The following USP36 variants were observed in gnomAD, a reference collection of about 807,000 sequenced individuals.
The protein encoded by USP36 is ubiquitin carboxyl-terminal hydrolase 36.
USP36 carries 59 observed loss-of-function variants against 111.5 expected under a neutral mutation model. The observed-to-expected ratio is 0.53, with a 90% CI of 0.43 to 0.66. USP36 has a LOEUF of 0.66. USP36 is among the 30% of genes least tolerant of loss of function. The pLI is 0.00. For missense variants in USP36, 1,488 were observed against 1,468.0 expected (o/e 1.01, Z -0.22); for synonymous variants, 628 against 581.0 (o/e 1.08, Z -1.16).
rs186001931 is a variant in USP36 at position 78,807,158 on chromosome 17, G to T, written c.1886C>A (p.Thr629Asn). The change falls in exon 14 of 21, where the codon ACC (threonine) becomes AAC (asparagine). Residue 629 changes from threonine (T) to asparagine (N), a missense_variant. Thr to Asn is a moderately conservative substitution (Grantham distance 65). This residue lies in a region of USP36 where 1,073 missense variants were observed against 994.1 expected (regional missense o/e 1.08). Coordinates refer to ENST00000449938, the MANE Select transcript of USP36 (RefSeq NM_001385174.1). Reference sequence around the variant, plus strand: ...GAGATGGGCCGCTCCACTCCTGGGGGTCTGGGGGGCCTTGGTGGAGTCGCT... The same window carrying T: ...GAGATGGGCCGCTCCACTCCTGGGGTTCTGGGGGGCCTTGGTGGAGTCGCT... ...ASSDSTKAPQ[T>N]PRSGAAHLCD... The T allele has an allele frequency of 5.0e-6, 8 of 1,614,228 alleles. No homozygotes were observed. Among genetic ancestry groups the T allele is most frequent in the African/African-American group, 1.3e-5 (1 of 75,070 alleles).
At position 78,799,664 on chromosome 17, in the gene USP36, T is replaced by C. The variant is rs201435693; in HGVS notation, c.3124+3A>G. ...AACAGAAGTCCTGTCTCCAAATCAG[T>C]ACCTTTTCTCCCGTAAGCTTTATCA... On this transcript the variant is annotated splice_donor_region_variant and intron_variant, in intron 18 of 20. Coordinates refer to ENST00000449938, the MANE Select transcript of USP36 (RefSeq NM_001385174.1). The C allele has an allele frequency of 1.7e-5, 27 of 1,611,534 alleles. No individual in the cohort carries two copies. In the South Asian group the frequency reaches 2.5e-4, roughly 15 times the overall value.
chr17:78,803,497 G>T lies in USP36; in HGVS notation c.2698C>A (p.Gln900Lys). Reference sequence around the variant, plus strand: ...TGGCCGTCCGTAACACATCCCACCTGCTGGCCATTCACCTGTGGCTGTGTG... The same window carrying T: ...TGGCCGTCCGTAACACATCCCACCTTCTGGCCATTCACCTGTGGCTGTGTG... ...DGTQPQVNGQ[Q>K]VGCVTDGHHA... The change falls in exon 16 of 21, where the codon CAG becomes AAG. Residue 900 changes from glutamine (Q) to lysine (K), a missense_variant. Physicochemically the swap from Gln to Lys is moderately conservative, Grantham distance 53 (BLOSUM62 1). This residue lies in a region of USP36 where 1,073 missense variants were observed against 994.1 expected (regional missense o/e 1.08). Coordinates refer to ENST00000449938, the MANE Select transcript of USP36 (RefSeq NM_001385174.1). The surrounding 1 kb of genome is among the most constrained non-coding windows in gnomAD (Gnocchi z 4.6). 6.2e-7 allele frequency: 1 copy of T among 1,613,946 alleles called. No individual in the cohort carries two copies.
At chr17:78,806,789 T>C (rs890722553) in intron 14 of USP36, among the ~76,000 whole-genome samples, 170 bp downstream of exon 14, 13 of 152,224 alleles carry the variant, frequency 8.5e-5, no homozygotes, top group African/African-American at 3.1e-4. Context: ...CACCCCAAGA[T>C]AGCCGTTCTT....
At position 78,802,587 on chromosome 17, in the gene USP36, C is replaced by A. The variant is rs748767284; in HGVS notation, c.2811-52G>T. ...AGCTCTGAGCAAATTGGAAGGGGAG[C>A]AGGAGCGCACAGACACCCGCCTGCA... On this transcript the variant is annotated intron_variant, in intron 16 of 20. Coordinates refer to ENST00000449938, the MANE Select transcript of USP36 (RefSeq NM_001385174.1). 6 of 1,518,242 alleles carry A rather than the reference C, an allele frequency of 4.0e-6. No homozygotes were observed. The South Asian group carries it at 4.8e-5, about 12-fold the overall frequency. 94.0% of individuals were successfully genotyped at this position (1,518,242 alleles called of 1,614,324 possible). A position where few individuals can be genotyped will look rare whatever the true frequency, so the allele number is the denominator to read the frequency against.
chr17:78,800,663 G>A (rs1396875619), intron 17 of USP36, among the ~76,000 whole-genome samples: 2 of 152,192 alleles, frequency 1.3e-5, no homozygotes, highest in Admixed American at 6.5e-5. Context: ...TGCTCCCAAC[G>A]TGCTGCGCCT....
rs2068935123 is a variant in USP36, at chr17:78,838,571, A to C, written c.-10+16T>G. 1 of 152,166 alleles carries C rather than the reference A, an allele frequency of 6.6e-6. No individual in the cohort carries two copies. The highest frequency in any genetic ancestry group is 2.4e-5 in the African/African-American group (1 of 41,426). The allele number at this position is 152,166 out of a possible 1,614,324, so 9.4% of individuals were successfully genotyped here. A position where few individuals can be genotyped will look rare whatever the true frequency, so the allele number is the denominator to read the frequency against. ...TCAACGGAATCAAAAAATACACAGA[A>C]GCCTCGCAGACTCACCTGGGATGTG... On this transcript the variant is annotated intron_variant, in intron 2 of 20. Coordinates refer to ENST00000449938, the MANE Select transcript of USP36 (RefSeq NM_001385174.1).
rs148348436 is a variant in USP36 at position 78,832,938 on chromosome 17, C to T, written c.475+2342G>A. ...CAGAGGCAGGCAGATCACCTGAGGT[C>T]GAGAGTTCAAGACCAGCCTGGTCAA... On this transcript the variant is annotated intron_variant, in intron 4 of 20. Transcript: ENST00000449938. 4.4e-3 allele frequency among the ~76,000 whole-genome samples: 675 copies of T among 152,218 alleles called. 5 individuals carry two copies. The highest frequency in any genetic ancestry group is 0.015 in the African/African-American group (628 of 41,546).
chr17:78,815,280 C>A (rs1424094946), intron 10 of USP36, among the ~76,000 whole-genome samples: 3 of 152,036 alleles, frequency 2.0e-5, no homozygotes, highest in African/African-American at 7.2e-5. Flanking sequence ...TACAGTGAGC[C>A]GAGATCATAC....
Position 78,807,638 on chromosome 17 carries a change from TA to T in USP36, c.1408-3del. The T allele has an allele frequency of 6.6e-7, 1 of 1,518,672 alleles. No individual in the cohort carries two copies. The highest frequency in any genetic ancestry group is 8.8e-7 in the Non-Finnish European group (1 of 1,133,994). The allele number at this position is 1,518,672 out of a possible 1,614,324, so 94.1% of individuals were successfully genotyped here. A position where few individuals can be genotyped will look rare whatever the true frequency, so the allele number is the denominator to read the frequency against. ...CTTCATCGTCCCAGAGTCTTGTCGC[TA>T]AGGAGACCAAAGCAGAAAACACAAC... On this transcript the variant is annotated splice_polypyrimidine_tract_variant and splice_region_variant and intron_variant, in intron 13 of 20. Transcript: ENST00000449938.
chr17:78,798,851 G>A lies in USP36; in HGVS notation c.3240+57C>T. 1.3e-6 allele frequency: 2 copies of A among 1,597,826 alleles called. No homozygotes were observed. The highest frequency in any genetic ancestry group is 2.2e-5 in the East Asian group (1 of 44,790). On this transcript the variant is annotated intron_variant, in intron 19 of 20. Coordinates refer to ENST00000449938, the MANE Select transcript of USP36 (RefSeq NM_001385174.1). This position sits in a 1 kb window ranked among gnomAD's most constrained non-coding sequence, Gnocchi z 5.1. ...CGCCACCTCCAACTGCCCCGGCTCT[G>A]AGCTGAGCCACGCCGCCCTGCTCCC...
chr17:78,790,746 T>C (rs1318511712), downstream of USP36, among the ~76,000 whole-genome samples: 1 of 152,248 alleles, frequency 6.6e-6, no homozygotes, highest in Admixed American at 6.5e-5. Flanking sequence ...AGAACTTGAA[T>C]TTCCTACACA....
downstream of USP36, among the ~76,000 whole-genome samples, chr17:78,794,521 C>T (rs970594423): frequency 5.9e-5 from 9 of 152,172 alleles, no homozygotes; most frequent in African/African-American, 2.2e-4. Context: ...GCCCTGGAGC[C>T]GTCAGTCCTG....
At chr17:78,799,831 C>A in intron 17 of USP36, 63 bp from the exon 18 acceptor site, 1 of 1,165,454 alleles carries the variant, frequency 8.6e-7, no homozygotes, top group South Asian at 1.5e-5. Flanking sequence ...GGGAAGCAAT[C>A]GCACACCTTA....
rs1452062203 is a variant in USP36 at position 78,807,510 on chromosome 17, C to A, written c.1534G>T (p.Gly512Trp). 1 of 1,613,832 alleles carries A rather than the reference C, an allele frequency of 6.2e-7. No homozygotes were observed. The highest frequency in any genetic ancestry group is 1.7e-5 in the Admixed American group (1 of 59,968). ...TGGGAGAGTTTGGGGGAAGGGGACC[C>A]CGAGGGCAGCTTTGGAGGAATGCAG... ...NGCIPPKLPS[G>W]SPSPKLSQTP... Residue 512 changes from glycine (G) to tryptophan (W), a missense_variant, in exon 14 of 21, where the codon GGG (glycine) becomes TGG (tryptophan). This residue lies in a region of USP36 where 1,073 missense variants were observed against 994.1 expected (regional missense o/e 1.08). Transcript: ENST00000449938.
chr17:78,805,573 C>T (rs2093875984), intron 15 of USP36, among the ~76,000 whole-genome samples: 1 of 152,190 alleles, frequency 6.6e-6, no homozygotes, highest in Non-Finnish European at 1.5e-5. Context: ...CAGCCATTTA[C>T]CAGTTACTCT....
rs965518699 is a variant in USP36, at chr17:78,802,337, A to G, written c.3009T>C (p.Pro1003=). Reference sequence around the variant, plus strand: ...CCCGGTGCATACCCATGCGGTCCCCAGGACACCAGCCATTCGCGGATGGTG... The same window carrying G: ...CCCGGTGCATACCCATGCGGTCCCCGGGACACCAGCCATTCGCGGATGGTG... ...SCAPSANGWC[P]GDRMGLSQAP... Residue 1003 remains proline (P), a synonymous_variant, in exon 17 of 21, where the codon CCT becomes CCC. Transcript: ENST00000449938. 6.4e-7 allele frequency: 1 copy of G among 1,573,040 alleles called. No homozygotes were observed. Among genetic ancestry groups the G allele is most frequent in the Non-Finnish European group, 8.6e-7 (1 of 1,159,260 alleles).
chr17:78,828,234 C>T (rs902098942), intron 5 of USP36, among the ~76,000 whole-genome samples: 20 of 152,248 alleles, frequency 1.3e-4, no homozygotes, highest in African/African-American at 4.8e-4. Context: ...AATGTAAAAT[C>T]CATTGAATAT....
chr17:78,813,739 G>A (rs751675560), intron 12 of USP36, 34 bp downstream of exon 12: 3 of 1,590,876 alleles, frequency 1.9e-6, no homozygotes, highest in South Asian at 2.2e-5. Context: ...AGCAGAGGGA[G>A]TGAGCTCATC....
intron 6 of USP36, among the ~76,000 whole-genome samples, chr17:78,824,502 C>T: frequency 6.6e-6 from 1 of 152,124 alleles, no homozygotes; most frequent in Non-Finnish European, 1.5e-5. Flanking sequence ...GGAGATTGCA[C>T]CACTGCACTC....
Sources: gnomAD v4.1 joint callset for allele counts (sites outside exome capture counted in the v4.1 genomes callset) on GRCh38, gnomAD v4.1.1 for gene constraint, gnomAD v4.1.1 regional missense constraint, Gnocchi (gnomAD v3.1) non-coding constraint, MANE v1.5 for transcripts, NCBI Gene and HGNC (gene_info 2026-07-23, HGNC 2026-07-21) for gene names.